SLC35F1: variants seen among roughly 807,000 people sequenced by gnomAD.
SLC35F1 encodes solute carrier family 35 member F1, also known as chromosome 6 open reading frame 169.
SLC35F1 carries 14 observed loss-of-function variants against 48.7 expected under a neutral mutation model. That is an observed-to-expected ratio of 0.29 (90% confidence interval 0.19 to 0.45). The LOEUF (loss-of-function observed/expected upper bound fraction) is 0.45, where lower values mean the gene tolerates loss of function less well. Among genes scored for constraint, SLC35F1 ranks in the 20% least tolerant of loss-of-function variants. The pLI is 1.00. For missense variants in SLC35F1, 404 were observed against 500.0 expected (o/e 0.81, Z 1.83); for synonymous variants, 190 against 202.2 (o/e 0.94, Z 0.51).
intron 1 of SLC35F1, among the ~76,000 whole-genome samples, chr6:117,935,675 A>G (rs1392894533): frequency 6.6e-6 from 1 of 152,214 alleles, no homozygotes; most frequent in Admixed American, 6.5e-5. Flanking sequence ...CAGTGAAATC[A>G]CCAACAAAAT....
chr6:117,990,550 A>C (rs780959085), intron 1 of SLC35F1, among the ~76,000 whole-genome samples: 1 of 152,190 alleles, frequency 6.6e-6, no homozygotes. Flanking sequence ...GCAACTCATC[A>C]ATTGCTCCTT....
intron 1 of SLC35F1, among the ~76,000 whole-genome samples, chr6:118,015,517 C>A (rs946883094): frequency 6.6e-6 from 1 of 151,872 alleles, no homozygotes; most frequent in Non-Finnish European, 1.5e-5. Context: ...CATCATTTAG[C>A]TCCCACAGAG....
chr6:118,251,179 T>C (rs1329893482), intron 3 of SLC35F1, among the ~76,000 whole-genome samples: 2 of 152,000 alleles, frequency 1.3e-5, no homozygotes, highest in Admixed American at 1.3e-4. Context: ...TCCCAGCTAC[T>C]CAGAAGGCTG....
At chr6:118,040,840 C>G (rs1772206204) in intron 1 of SLC35F1, among the ~76,000 whole-genome samples, 1 of 151,646 alleles carries the variant, frequency 6.6e-6, no homozygotes, top group Non-Finnish European at 1.5e-5. Context: ...AGTGTGAACA[C>G]TTTTACATCT....
chr6:118,201,036 C>A lies in SLC35F1; in HGVS notation c.350-34473C>A, dbSNP rs575766614. Among the ~76,000 whole-genome samples the A allele has an allele frequency of 5.9e-5, 9 of 152,300 alleles. 1 individual carries two copies. The highest frequency in any genetic ancestry group is 5.2e-4 in the Admixed American group (8 of 15,302). ...GAGCGATCTTCCCACCTCAGCCCCC[C>A]AAGTAGCTGGGACTACAGGTGCATG... On this transcript the variant is annotated intron_variant, in intron 2 of 7. Transcript: ENST00000360388.
chr6:118,025,121 T>C (rs1201346517), intron 1 of SLC35F1, among the ~76,000 whole-genome samples: 2 of 152,206 alleles, frequency 1.3e-5, no homozygotes, highest in African/African-American at 4.8e-5. Context: ...TTTGCTTAAT[T>C]TTTTCTAACT....
intron 4 of SLC35F1, among the ~76,000 whole-genome samples, chr6:118,272,273 G>C (rs1381516729): frequency 6.6e-6 from 1 of 152,190 alleles, no homozygotes; most frequent in East Asian, 1.9e-4. Flanking sequence ...ACAAGGAGTG[G>C]AGTATGGTGG....
At chr6:118,281,044 A>C (rs1775976884) in intron 6 of SLC35F1, among the ~76,000 whole-genome samples, 2 of 151,916 alleles carry the variant, frequency 1.3e-5, no homozygotes, top group Admixed American at 6.6e-5. Context: ...TGTTTTTAAG[A>C]ATTACAAATA....
At chr6:118,187,940 T>C (rs17420932) in intron 2 of SLC35F1, among the ~76,000 whole-genome samples, 5,884 of 152,338 alleles carry the variant, frequency 0.039, 142 homozygotes, top group Middle Eastern at 0.078. Flanking sequence ...ACATAAAGCA[T>C]TTAATTCATA....
intron 2 of SLC35F1, among the ~76,000 whole-genome samples, chr6:118,163,938 G>T (rs899714889): frequency 1.3e-5 from 2 of 152,222 alleles, no homozygotes; most frequent in African/African-American, 4.8e-5. Context: ...AGACACTATT[G>T]CAGTCTACTG....
chr6:118,227,707 A>G (rs1775236761), intron 2 of SLC35F1, among the ~76,000 whole-genome samples: 1 of 152,142 alleles, frequency 6.6e-6, no homozygotes, highest in South Asian at 2.1e-4. Context: ...GCTAGGCAAT[A>G]TAGGGTGGGC....
At chr6:118,234,306 T>C (rs1161789581) in intron 2 of SLC35F1, among the ~76,000 whole-genome samples, 1 of 152,194 alleles carries the variant, frequency 6.6e-6, no homozygotes, top group African/African-American at 2.4e-5. Flanking sequence ...TACAGTAGGG[T>C]AGAAGTGTCA....
chr6:117,976,901 T>C (rs1372865196), intron 1 of SLC35F1, among the ~76,000 whole-genome samples: 1 of 152,222 alleles, frequency 6.6e-6, no homozygotes, highest in African/African-American at 2.4e-5. Flanking sequence ...TATAGACAGA[T>C]AAATATAGTT....
chr6:118,234,529 G>A (rs1039191377), intron 2 of SLC35F1, among the ~76,000 whole-genome samples: 5 of 152,242 alleles, frequency 3.3e-5, no homozygotes, highest in Admixed American at 6.5e-5. Context: ...CTGCATTCCC[G>A]GTTGACAACT....
chr6:117,947,338 A>G (rs537375888), intron 1 of SLC35F1, among the ~76,000 whole-genome samples: 36 of 152,292 alleles, frequency 2.4e-4, no homozygotes, highest in African/African-American at 8.4e-4. Flanking sequence ...GTGAGAAATG[A>G]GATTCTAGAG....
intron 1 of SLC35F1, among the ~76,000 whole-genome samples, chr6:118,153,829 A>G (rs1774098618): frequency 6.6e-6 from 1 of 152,194 alleles, no homozygotes; most frequent in African/African-American, 2.4e-5. Context: ...AAGATGGCAG[A>G]CACCTAATGC....
intron 2 of SLC35F1, among the ~76,000 whole-genome samples, chr6:118,216,641 TATTA>T (rs1775077445): frequency 6.6e-6 from 1 of 152,132 alleles, no homozygotes; most frequent in African/African-American, 2.4e-5. Flanking sequence ...TGACTATATT[TATTA>T]ATTGTCAATA....
intron 2 of SLC35F1, among the ~76,000 whole-genome samples, chr6:118,183,753 A>G (rs1774618062): frequency 6.6e-6 from 1 of 152,160 alleles, no homozygotes; most frequent in Admixed American, 6.6e-5. Flanking sequence ...AGTTAGGCCT[A>G]AGGTCTACAA....
intron 1 of SLC35F1, chr6:117,999,360 A>T: frequency 6.3e-7 from 1 of 1,590,324 alleles, no homozygotes; most frequent in Non-Finnish European, 8.5e-7. Flanking sequence ...AAGGCCAAGG[A>T]TCAAACCAAG....
Sources: gnomAD v4.1 joint callset for allele counts (sites outside exome capture counted in the v4.1 genomes callset) on GRCh38, gnomAD v4.1.1 for gene constraint, MANE v1.5 for transcripts, NCBI Gene and HGNC (gene_info 2026-07-23, HGNC 2026-07-21) for gene names.